DNAJA2: variants seen among roughly 807,000 people sequenced by gnomAD.
DNAJA2 encodes DnaJ heat shock protein family (Hsp40) member A2.
In DNAJA2, 6 loss-of-function variants were observed where a neutral mutation model predicts 49.3. The ratio of observed to expected loss-of-function variants is 0.12; its 90% CI spans 0.07 to 0.24. DNAJA2 has a LOEUF of 0.24. Among genes scored for constraint, DNAJA2 ranks in the 10% least tolerant of loss-of-function variants. The pLI is 1.00. For missense variants in DNAJA2, 347 were observed against 516.8 expected (o/e 0.67, Z 3.19); for synonymous variants, 160 against 172.7 (o/e 0.93, Z 0.58).
chr16:46,957,546 T>A (rs930749925), intron 8 of DNAJA2, among the ~76,000 whole-genome samples: 4 of 151,440 alleles, frequency 2.6e-5, no homozygotes, highest in Non-Finnish European at 5.9e-5. Flanking sequence ...GAAGTTGCAG[T>A]AAGCTGAGAT....
chr16:46,969,587 C>A (rs544633191), intron 3 of DNAJA2, among the ~76,000 whole-genome samples: 2 of 152,298 alleles, frequency 1.3e-5, no homozygotes, highest in South Asian at 4.1e-4. Context: ...AATCCCTCTG[C>A]AAGGCAATTT....
rs971361488 is a variant in DNAJA2 at position 46,955,842 on chromosome 16, T to C, written c.*1187A>G. On this transcript the variant is annotated 3_prime_UTR_variant, in exon 9 of 9. Coordinates refer to ENST00000317089, the MANE Select transcript of DNAJA2 (RefSeq NM_005880.4). ...CGTTTCATCAATTTTACCTGATTTT[T>C]CTCAAACCAGCCTTTTTTTTTTGCT... is the stretch of plus-strand genomic sequence containing the variant. 3.9e-5 allele frequency: 6 copies of C among 152,006 alleles called. No homozygotes were observed. The highest frequency in any genetic ancestry group is 7.4e-5 in the Non-Finnish European group (5 of 67,992). The allele number at this position is 152,006 out of a possible 1,614,324, so 9.4% of individuals were successfully genotyped here.
chr16:46,964,016 G>C (rs1961934786), intron 6 of DNAJA2, among the ~76,000 whole-genome samples: 1 of 152,158 alleles, frequency 6.6e-6, no homozygotes, highest in South Asian at 2.1e-4. Context: ...AGGCTGCAGT[G>C]AGCCAAGATC....
intron 5 of DNAJA2, among the ~76,000 whole-genome samples, chr16:46,965,351 A>G (rs1333077488): frequency 6.6e-6 from 1 of 152,216 alleles, no homozygotes; most frequent in Non-Finnish European, 1.5e-5. Context: ...CTTTTCTCTT[A>G]TAATTATGGT....
At chr16:46,968,815 G>A (rs1286419697) in intron 3 of DNAJA2, among the ~76,000 whole-genome samples, 1 of 152,198 alleles carries the variant, frequency 6.6e-6, no homozygotes, top group Non-Finnish European at 1.5e-5. Flanking sequence ...GGGAGACTGA[G>A]GAGGGAGGAT....
chr16:46,966,436 T>C (rs1421023429), intron 5 of DNAJA2, among the ~76,000 whole-genome samples: 1 of 152,184 alleles, frequency 6.6e-6, no homozygotes, highest in Non-Finnish European at 1.5e-5. Context: ...AAAATAGTTC[T>C]CCAGTCACAC....
At chr16:46,972,757 G>A (rs762655441) in intron 1 of DNAJA2, 7 of 152,208 alleles carry the variant, frequency 4.6e-5, no homozygotes, top group Non-Finnish European at 5.9e-5. Flanking sequence ...TGAGATGAAA[G>A]ATATCGCAGC....
At chr16:46,968,938 C>T (rs531768543) in intron 3 of DNAJA2, among the ~76,000 whole-genome samples, 91 of 151,938 alleles carry the variant, frequency 6.0e-4, no homozygotes, top group African/African-American at 2.2e-3. Flanking sequence ...TCCCAGCTAC[C>T]CAGGAGGCTG....
intron 2 of DNAJA2, 26 bp from the exon 3 acceptor site, chr16:46,971,598 A>G (rs369388047): frequency 1.3e-6 from 2 of 1,505,746 alleles, no homozygotes; most frequent in Admixed American, 2.2e-5. Flanking sequence ...AAAAATAAAA[A>G]TAATTGCATT....
intron 8 of DNAJA2, among the ~76,000 whole-genome samples, chr16:46,958,048 C>G (rs1961841045): frequency 6.6e-6 from 1 of 152,186 alleles, no homozygotes; most frequent in Non-Finnish European, 1.5e-5. Context: ...TATTAAGAAA[C>G]TTGAAGTCGG....
At chr16:46,958,627 A>G (rs1306231822) in intron 8 of DNAJA2, 1 of 176,244 alleles carries the variant, frequency 5.7e-6, no homozygotes, top group Non-Finnish European at 1.2e-5. Flanking sequence ...CAACAACAAC[A>G]AACTTACCAG....
At chr16:46,971,998 CAGTTA>C in intron 1 of DNAJA2, 43 bp from the exon 2 acceptor site, 1 of 1,368,610 alleles carries the variant, frequency 7.3e-7, no homozygotes, top group Non-Finnish European at 1.0e-6. Flanking sequence ...AACTAAACAC[CAGTTA>C]AAAGTTTTGT....
chr16:46,957,302 T>TTAA, intron 8 of DNAJA2, 82 bp from the exon 9 acceptor site: 2 of 1,319,792 alleles, frequency 1.5e-6, no homozygotes, highest in Non-Finnish European at 2.1e-6. Flanking sequence ...CAGTGTCTGT[T>TTAA]TAAGAGTTTA....
intron 5 of DNAJA2, among the ~76,000 whole-genome samples, chr16:46,967,186 A>G (rs1769963829): frequency 6.6e-6 from 1 of 151,998 alleles, no homozygotes; most frequent in Admixed American, 6.6e-5. Context: ...TCCTGGGCTC[A>G]AGCAATCCTC....
chr16:46,972,002 TAA>T lies in DNAJA2; in HGVS notation c.79-49_79-48del, dbSNP rs762907856. Reference sequence around the variant, plus strand: ...AAAAAGGTTATAACTAAACACCAGTTAAAAGTTTTGTAATAACTTAATATCCA... The same window carrying T: ...AAAAAGGTTATAACTAAACACCAGTTAAGTTTTGTAATAACTTAATATCCA... On this transcript the variant is annotated intron_variant, in intron 1 of 8. Coordinates refer to ENST00000317089, the MANE Select transcript of DNAJA2 (RefSeq NM_005880.4). 3 of 1,340,534 alleles carry T rather than the reference TAA, an allele frequency of 2.2e-6. No individual in the cohort carries two copies. In the Admixed American group the frequency reaches 5.2e-5, roughly 23 times the overall value. The allele number at this position is 1,340,534 out of a possible 1,614,324, so 83.0% of individuals were successfully genotyped here.
intron 5 of DNAJA2, among the ~76,000 whole-genome samples, chr16:46,967,147 T>C (rs899541747): frequency 3.9e-5 from 6 of 152,144 alleles, no homozygotes; most frequent in Admixed American, 1.3e-4. Flanking sequence ...AGTGCACTGG[T>C]ATGATCACAG....
At chr16:46,968,870 A>C (rs1962009703) in intron 3 of DNAJA2, among the ~76,000 whole-genome samples, 1 of 152,028 alleles carries the variant, frequency 6.6e-6, no homozygotes, top group Admixed American at 6.6e-5. Context: ...ACTTAGAGAG[A>C]CCTCATCTTT....
rs751421502 is a variant in DNAJA2, at chr16:46,957,129, C to T, written c.1139G>A (p.Arg380Gln). The T allele has an allele frequency of 1.5e-5, 25 of 1,614,042 alleles. No individual in the cohort carries two copies. The highest frequency in any genetic ancestry group is 4.0e-5 in the African/African-American group (3 of 74,922). Residue 380 changes from arginine (R) to glutamine (Q), a missense_variant, in exon 9 of 9, where the codon CGA (arginine) becomes CAA (glutamine). Physicochemically the swap from Arg to Gln is conservative, Grantham distance 43. Transcript: ENST00000317089. The stretch of plus-strand genomic sequence containing the variant: ...ACGCCTCTGACCACCTCCTGAGCCT[C>T]GAGTGCTATCAAATTCCTGAAGCTC... ...EVELQEFDST[R>Q]GSGGGQRREA...
chr16:46,964,545 T>C, intron 6 of DNAJA2, 66 bp downstream of exon 6: 2 of 1,494,764 alleles, frequency 1.3e-6, no homozygotes, highest in South Asian at 1.3e-5. Context: ...ATCTAACCTA[T>C]TTCTCACAAG....
Sources: gnomAD v4.1 joint callset for allele counts (sites outside exome capture counted in the v4.1 genomes callset) on GRCh38, gnomAD v4.1.1 for gene constraint, MANE v1.5 for transcripts, NCBI Gene and HGNC (gene_info 2026-07-23, HGNC 2026-07-21) for gene names.